SLC36A3: variants seen among roughly 807,000 people sequenced by gnomAD.
SLC36A3 encodes proton-coupled amino acid transporter 3.
In SLC36A3, 35 loss-of-function variants were observed where a neutral mutation model predicts 44.3. The observed-to-expected ratio is 0.79, with a 90% CI of 0.60 to 1.05. The LOEUF (loss-of-function observed/expected upper bound fraction) is 1.05. SLC36A3 is among the 50% of genes least tolerant of loss of function. The pLI is 0.00. For synonymous variants in SLC36A3, 211 were observed against 227.6 expected (o/e 0.93, Z 0.66); for missense variants, 540 against 578.7 (o/e 0.93, Z 0.69).
At chr5:151,297,704 T>A (rs1755006251) in intron 2 of SLC36A3, 2 of 152,228 alleles carry the variant, frequency 1.3e-5, no homozygotes, top group Admixed American at 6.5e-5. Context: ...GGCTCACACC[T>A]GTCATCCCAG....
chr5:151,288,504 G>A (rs760305662), intron 4 of SLC36A3, 34 bp from the exon 5 acceptor site: 5 of 1,375,982 alleles, frequency 3.6e-6, no homozygotes, highest in South Asian at 1.5e-5. Context: ...ACAGAGGGAG[G>A]AAACAAAAGC....
intron 1 of SLC36A3, 109 bp downstream of exon 1, chr5:151,303,118 T>C (rs1561642880): frequency 1.5e-6 from 2 of 1,325,248 alleles, no homozygotes; most frequent in Non-Finnish European, 2.0e-6. Flanking sequence ...ACGCATATCG[T>C]GTTAATGGAA....
rs879054268 is a variant in SLC36A3 at position 151,287,300 on chromosome 5, C to T, written c.654G>A (p.Leu218=). The T allele has an allele frequency of 1.9e-6, 3 of 1,614,120 alleles. No individual in the cohort carries two copies. The highest frequency in any genetic ancestry group is 1.7e-5 in the Admixed American group (1 of 60,014). ...NLKVLSVFST[L]ANITTLGSMA... ...TGCTCCCAAGGGTGGTGATGTTGGC[C>T]AATGTCGAGAAGACGGACAGCACCT... Residue 218 remains leucine, a synonymous_variant, in exon 6 of 10, where the codon TTG becomes TTA. Coordinates refer to ENST00000335230, the MANE Select transcript of SLC36A3 (RefSeq NM_181774.4).
At position 151,287,512 on chromosome 5, in the gene SLC36A3, A is replaced by G. The variant is rs1329808796; in HGVS notation, c.490-48T>C. On this transcript the variant is annotated intron_variant, in intron 5 of 9. Coordinates refer to ENST00000335230, the MANE Select transcript of SLC36A3 (RefSeq NM_181774.4). Reference sequence around the variant, plus strand: ...GCAGTGTGGTTGCTACGTAAAACACAGGACACCAATTACATTTGAATTTCA... The same window carrying G: ...GCAGTGTGGTTGCTACGTAAAACACGGGACACCAATTACATTTGAATTTCA... The G allele has an allele frequency of 4.5e-6, 7 of 1,555,566 alleles. No individual in the cohort carries two copies. The South Asian group carries it at 4.5e-5, about 10-fold the overall frequency.
chr5:151,300,129 G>A (rs868555368), intron 1 of SLC36A3, among the ~76,000 whole-genome samples: 21 of 152,334 alleles, frequency 1.4e-4, no homozygotes, highest in African/African-American at 4.1e-4. Flanking sequence ...GACAGAGAAT[G>A]CCCTCTTGCC....
At chr5:151,299,248 C>CTATA (rs1755072787) in intron 1 of SLC36A3, among the ~76,000 whole-genome samples, 15 of 95,164 alleles carry the variant, frequency 1.6e-4, no homozygotes, top group South Asian at 1.2e-3. Flanking sequence ...CTCTCTCTCT[C>CTATA]TCTCTCTCTC....
chr5:151,301,258 C>T (rs1271585935), intron 1 of SLC36A3, among the ~76,000 whole-genome samples: 1 of 152,120 alleles, frequency 6.6e-6, no homozygotes, highest in African/African-American at 2.4e-5. Flanking sequence ...GCCTGGGGAC[C>T]ATTCTGCCTT....
intron 3 of SLC36A3, among the ~76,000 whole-genome samples, chr5:151,295,683 A>G (rs1754933342): frequency 6.6e-6 from 1 of 152,210 alleles, no homozygotes; most frequent in South Asian, 2.1e-4. Flanking sequence ...AAATACATAA[A>G]CATTGATTAT....
intron 9 of SLC36A3, among the ~76,000 whole-genome samples, chr5:151,279,325 C>G (rs1754223112): frequency 6.6e-6 from 1 of 152,178 alleles, no homozygotes. Flanking sequence ...TAATTATTTC[C>G]TTGCATATAT....
Position 151,287,430 on chromosome 5 carries a change from C to T in SLC36A3, c.524G>A (p.Cys175Tyr). Residue 175 changes from cysteine to tyrosine, a missense_variant, in exon 6 of 10, where the codon TGC becomes TAC. Cys to Tyr is a radical substitution (Grantham distance 194). Coordinates refer to ENST00000335230, the MANE Select transcript of SLC36A3 (RefSeq NM_181774.4). ...VEKAHVTSNI[C>Y]QPREILTLTP... is the part of the protein sequence containing the mutation. ...CAGCGTCAGAATCTCCCTGGGCTGG[C>T]AGATGTTGGAGGTCACGTGGGCTTT... The T allele has an allele frequency of 6.2e-7, 1 of 1,614,040 alleles. No individual in the cohort carries two copies. Among genetic ancestry groups the T allele is most frequent in the Middle Eastern group, 1.7e-4 (1 of 6,060 alleles).
chr5:151,290,843 C>T (rs1438731462), intron 4 of SLC36A3, among the ~76,000 whole-genome samples: 4 of 151,618 alleles, frequency 2.6e-5, no homozygotes, highest in Admixed American at 6.6e-5. Flanking sequence ...TGCAGTGAGC[C>T]GAGATCGCGC....
chr5:151,278,139 T>G (rs1754170030), intron 9 of SLC36A3, among the ~76,000 whole-genome samples: 1 of 152,232 alleles, frequency 6.6e-6, no homozygotes, highest in Non-Finnish European at 1.5e-5. Context: ...ACATTTGTAG[T>G]ATCTATATAA....
At chr5:151,301,551 G>T (rs1755165118) in intron 1 of SLC36A3, among the ~76,000 whole-genome samples, 1 of 151,904 alleles carries the variant, frequency 6.6e-6, no homozygotes, top group African/African-American at 2.4e-5. Flanking sequence ...TCTCCAACCT[G>T]ATCAATCAGC....
chr5:151,280,372 T>C (rs932350469), intron 9 of SLC36A3, among the ~76,000 whole-genome samples: 4 of 152,242 alleles, frequency 2.6e-5, no homozygotes, highest in Non-Finnish European at 4.4e-5. Flanking sequence ...GAGAATCTCT[T>C]GAACCTGGGA....
chr5:151,277,425 A>G lies in SLC36A3; in HGVS notation c.1381T>C (p.Ser461Pro). ...LYELPQPISH[S>P]MANSTGVHA ...TGGACACCTGTGGAGTTGGCCATGG[A>G]ATGGCTGATGGGTTGGGGCAACTCA... Residue 461 changes from serine to proline, a missense_variant, in exon 10 of 10, where the codon TCC becomes CCC. By Grantham distance (74) the Ser-to-Pro change is moderately conservative. Coordinates refer to ENST00000335230, the MANE Select transcript of SLC36A3 (RefSeq NM_181774.4). 6 of 1,614,240 alleles carry G rather than the reference A, an allele frequency of 3.7e-6. No homozygotes were observed. Among genetic ancestry groups the G allele is most frequent in the Non-Finnish European group, 5.1e-6 (6 of 1,180,034 alleles).
At chr5:151,286,095 T>C (rs1754525595) in intron 6 of SLC36A3, among the ~76,000 whole-genome samples, 3 of 152,280 alleles carry the variant, frequency 2.0e-5, no homozygotes, top group African/African-American at 2.4e-5. Flanking sequence ...TCTGTGATAA[T>C]GGAGCATGGA....
rs935219136 is a variant in SLC36A3, at chr5:151,290,819, C to T, written c.405-2349G>A. On this transcript the variant is annotated intron_variant, in intron 4 of 9. Transcript: ENST00000335230. ...CTGAGGCAGGAGAATGGCATGAACC[C>T]GGGAGGTGGAGCTTGCAGTGAGCCG... is the stretch of plus-strand genomic sequence containing the variant. Among the ~76,000 whole-genome samples the T allele has an allele frequency of 2.6e-5, 4 of 152,012 alleles. No homozygotes were observed. In the East Asian group the frequency reaches 5.8e-4, roughly 22 times the overall value.
intron 9 of SLC36A3, among the ~76,000 whole-genome samples, 161 bp downstream of exon 9, chr5:151,280,853 A>G (rs1206324483): frequency 6.6e-6 from 1 of 152,224 alleles, no homozygotes; most frequent in African/African-American, 2.4e-5. Context: ...AATTCTGTTA[A>G]GCCCTTTTTT....
intron 4 of SLC36A3, among the ~76,000 whole-genome samples, chr5:151,291,834 G>A (rs988231609): frequency 6.6e-6 from 1 of 152,056 alleles, no homozygotes; most frequent in African/African-American, 2.4e-5. Context: ...AATGACCATT[G>A]CCTCCATGGA....
Sources: allele counts gnomAD v4.1 joint callset (sites outside exome capture counted in the v4.1 genomes callset), GRCh38; gene constraint gnomAD v4.1.1; transcripts MANE v1.5; gene names NCBI Gene and HGNC (gene_info 2026-07-23, HGNC 2026-07-21).